KCNMA1: variants seen among roughly 807,000 people sequenced by gnomAD.
KCNMA1 encodes potassium calcium-activated channel subfamily M alpha 1.
KCNMA1 carries 29 observed loss-of-function variants against 140.0 expected under a neutral mutation model. The observed-to-expected ratio is 0.21, with a 90% CI of 0.15 to 0.28. The LOEUF is 0.28. Among genes scored for constraint, KCNMA1 ranks in the 10% least tolerant of loss-of-function variants. The pLI is 1.00. For missense variants in KCNMA1, 880 were observed against 1,602.2 expected (o/e 0.55, Z 7.70); for synonymous variants, 612 against 611.9 (o/e 1.00, Z 0.00).
intron 9 of KCNMA1, among the ~76,000 whole-genome samples, chr10:77,099,493 T>G (rs2097036437): frequency 6.6e-6 from 1 of 152,080 alleles, no homozygotes; most frequent in East Asian, 1.9e-4. Flanking sequence ...GGCTGGCGGA[T>G]CACCTGCGGT....
chr10:76,952,551 G>A (rs1050074524), intron 21 of KCNMA1, among the ~76,000 whole-genome samples: 2 of 152,088 alleles, frequency 1.3e-5, no homozygotes, highest in African/African-American at 4.8e-5. Flanking sequence ...ATGTACATAC[G>A]TGAAGCAGCT....
At chr10:77,269,769 C>T (rs78059448) in intron 2 of KCNMA1, among the ~76,000 whole-genome samples, 4,235 of 152,262 alleles carry the variant, frequency 0.028, 80 homozygotes, top group Middle Eastern at 0.054. Context: ...GGGCAGCTAC[C>T]TGGTCTTCAA....
At chr10:77,273,772 AG>A (rs760283820) in intron 2 of KCNMA1, among the ~76,000 whole-genome samples, 53 of 152,268 alleles carry the variant, frequency 3.5e-4, no homozygotes, top group Non-Finnish European at 6.8e-4. Context: ...TCCACCTGTA[AG>A]TTCATTTATT....
chr10:76,907,060 A>G (rs2048097191), intron 25 of KCNMA1, among the ~76,000 whole-genome samples: 1 of 152,226 alleles, frequency 6.6e-6, no homozygotes, highest in South Asian at 2.1e-4. Flanking sequence ...TCGATAGTGT[A>G]GCTAAAGTGC....
intron 1 of KCNMA1, among the ~76,000 whole-genome samples, chr10:77,567,991 G>T (rs1018282817): frequency 5.3e-5 from 8 of 152,130 alleles, no homozygotes; most frequent in African/African-American, 1.9e-4. Context: ...TAGAAGAAAT[G>T]GATAAATTCC....
intron 11 of KCNMA1, among the ~76,000 whole-genome samples, chr10:77,086,049 G>T (rs1185778487): frequency 6.6e-6 from 1 of 152,160 alleles, no homozygotes; most frequent in Non-Finnish European, 1.5e-5. Context: ...TTATCGCTTA[G>T]TAAAATTTTA....
At chr10:77,192,580 C>T (rs981636912) in intron 3 of KCNMA1, among the ~76,000 whole-genome samples, 1 of 152,164 alleles carries the variant, frequency 6.6e-6, no homozygotes. Context: ...GTTTTCTCTT[C>T]TGTAAACTGG....
At chr10:77,530,304 T>C (rs1316371051) in intron 1 of KCNMA1, among the ~76,000 whole-genome samples, 1 of 152,234 alleles carries the variant, frequency 6.6e-6, no homozygotes, top group Non-Finnish European at 1.5e-5. Flanking sequence ...AAATGATTCA[T>C]CTCAGCCACT....
At chr10:77,628,633 C>G (rs933107215) in intron 1 of KCNMA1, among the ~76,000 whole-genome samples, 4 of 150,392 alleles carry the variant, frequency 2.7e-5, no homozygotes, top group African/African-American at 9.8e-5. Flanking sequence ...CTGGGCAACA[C>G]AGCAAGACGG....
At chr10:77,167,149 G>T (rs982791945) in intron 5 of KCNMA1, among the ~76,000 whole-genome samples, 1 of 151,924 alleles carries the variant, frequency 6.6e-6, no homozygotes, top group Non-Finnish European at 1.5e-5. Flanking sequence ...CCCTGCCTCA[G>T]ATAACTACCA....
intron 3 of KCNMA1, among the ~76,000 whole-genome samples, chr10:77,238,566 C>G (rs2056345801): frequency 6.6e-6 from 1 of 152,174 alleles, no homozygotes; most frequent in African/African-American, 2.4e-5. Flanking sequence ...CATCACCTGT[C>G]ATTGTTGAGA....
intron 1 of KCNMA1, among the ~76,000 whole-genome samples, chr10:77,486,771 G>C (rs1018916756): frequency 4.6e-5 from 7 of 152,206 alleles, no homozygotes; most frequent in African/African-American, 1.7e-4. Flanking sequence ...GGTTTCTCCT[G>C]GCCCTGTGCA....
chr10:77,331,818 T>C (rs1426624288), intron 2 of KCNMA1, among the ~76,000 whole-genome samples: 7 of 151,974 alleles, frequency 4.6e-5, no homozygotes, highest in Non-Finnish European at 1.0e-4. Context: ...TCATCTCTAA[T>C]ATATGTATAT....
intron 2 of KCNMA1, among the ~76,000 whole-genome samples, chr10:77,334,376 A>C (rs1236826210): frequency 1.3e-5 from 2 of 152,166 alleles, no homozygotes; most frequent in Non-Finnish European, 2.9e-5. Flanking sequence ...AAATTAATCA[A>C]AAATTAAGGT....
chr10:77,164,721 C>A (rs2098616626), intron 5 of KCNMA1, among the ~76,000 whole-genome samples: 1 of 152,134 alleles, frequency 6.6e-6, no homozygotes, highest in South Asian at 2.1e-4. Context: ...GGTTCTGCAG[C>A]ACCCAGAGCC....
intron 2 of KCNMA1, among the ~76,000 whole-genome samples, chr10:77,317,692 A>G (rs2081248328): frequency 6.6e-6 from 1 of 152,254 alleles, no homozygotes; most frequent in African/African-American, 2.4e-5. Flanking sequence ...AGCCGATGGC[A>G]GGGAGAGGAT....
chr10:77,345,316 G>A (rs1035542321), intron 2 of KCNMA1, among the ~76,000 whole-genome samples: 5 of 152,018 alleles, frequency 3.3e-5, no homozygotes, highest in African/African-American at 1.2e-4. Context: ...CCATAGAATC[G>A]GTCCCAAGCC....
intron 1 of KCNMA1, among the ~76,000 whole-genome samples, chr10:77,596,654 C>T (rs997517752): frequency 6.6e-5 from 10 of 152,134 alleles, no homozygotes; most frequent in East Asian, 1.9e-4. Context: ...ATCCAATGTT[C>T]GACAAGGTGT....
rs115915428 is a variant in KCNMA1, at chr10:77,142,048, C to G, written c.809-21000G>C. Among the ~76,000 whole-genome samples, 1,212 of 152,148 alleles carry G rather than the reference C, an allele frequency of 8.0e-3. 14 individuals carry two copies. The highest frequency in any genetic ancestry group is 0.028 in the African/African-American group (1,156 of 41,484). On this transcript the variant is annotated intron_variant, in intron 5 of 27. Coordinates refer to ENST00000286628, the MANE Select transcript of KCNMA1 (RefSeq NM_001161352.2). ...AACAATATATCATAACTGTAATTAA[C>G]AATTTGGTTAAAGTGCTGTAAAGAA...
Sources: gnomAD v4.1 joint callset for allele counts (sites outside exome capture counted in the v4.1 genomes callset) on GRCh38, gnomAD v4.1.1 for gene constraint, MANE v1.5 for transcripts, NCBI Gene and HGNC (gene_info 2026-07-23, HGNC 2026-07-21) for gene names.